Variants in KANSL1 observed in about 807,000 individuals in gnomAD.
KANSL1 encodes MLL1/MLL complex subunit KANSL1.
KANSL1 carries 22 observed loss-of-function variants against 103.6 expected under a neutral mutation model. The ratio of observed to expected loss-of-function variants is 0.21; its 90% CI spans 0.15 to 0.30. KANSL1 has a LOEUF of 0.30. Among genes scored for constraint, KANSL1 ranks in the 10% least tolerant of loss-of-function variants. The pLI, the probability that KANSL1 is intolerant of heterozygous loss-of-function variation, is 1.00. For missense variants in KANSL1, 1,337 were observed against 1,399.8 expected (o/e 0.96, Z 0.72); for synonymous variants, 600 against 527.6 (o/e 1.14, Z -1.88).
intron 3 of KANSL1, chr17:46,093,899 T>C (rs2079514837): frequency 6.6e-6 from 1 of 152,270 alleles, no homozygotes; most frequent in Non-Finnish European, 1.5e-5. Context: ...ATGGTACATC[T>C]TACCATCAGT....
At chr17:46,066,789 A>G (rs2078395273) in intron 5 of KANSL1, 57 bp from the exon 6 acceptor site, 2 of 1,269,498 alleles carry the variant, frequency 1.6e-6, no homozygotes, top group South Asian at 1.4e-5. Context: ...AAATAAATAA[A>G]CAACAAGAAA....
chr17:46,036,458 G>T (rs950357072), intron 10 of KANSL1, among the ~76,000 whole-genome samples: 3 of 152,146 alleles, frequency 2.0e-5, no homozygotes, highest in African/African-American at 7.2e-5. Flanking sequence ...AAAAGGTACA[G>T]ATTTTTCTTT....
In KANSL1 at chr17:46,171,329, G is replaced by A; in HGVS notation, c.815C>T (p.Ser272Phe). 6.2e-7 allele frequency: 1 copy of A among 1,614,172 alleles called. No individual in the cohort carries two copies. Among genetic ancestry groups the A allele is most frequent in the Non-Finnish European group, 8.5e-7 (1 of 1,180,048 alleles). The change falls in exon 2 of 15, where the codon TCC becomes TTC. Residue 272 changes from serine to phenylalanine, a missense_variant. Physicochemically the swap from Ser to Phe is radical, Grantham distance 155 (BLOSUM62 -2). This residue lies in a region of KANSL1 where 557 missense variants were observed against 476.4 expected (regional missense o/e 1.17). Transcript: ENST00000432791. The stretch of plus-strand genomic sequence containing the variant: ...AGAATCTAAAGCACTGAAAAGAATG[G>A]AAGACAGGGGAGACTTTTTACCCTC... ...KLEGKKSPLS[S>F]ILFSALDSDT... is the part of the protein sequence containing the mutation.
At chr17:46,175,683 C>T (rs997697590) in intron 1 of KANSL1, among the ~76,000 whole-genome samples, 14 of 152,092 alleles carry the variant, frequency 9.2e-5, no homozygotes, top group Non-Finnish European at 8.8e-5. Flanking sequence ...GTTTCTTGTT[C>T]CAGGGTTGTA....
chr17:46,144,115 T>G (rs989780612), intron 2 of KANSL1, among the ~76,000 whole-genome samples: 1 of 152,196 alleles, frequency 6.6e-6, no homozygotes, highest in African/African-American at 2.4e-5. Context: ...AAATTATAAT[T>G]AGGTCAAGGA....
chr17:46,043,974 T>C (rs1164435595), intron 7 of KANSL1: 3 of 148,942 alleles, frequency 2.0e-5, no homozygotes, highest in African/African-American at 7.3e-5. Flanking sequence ...GGAACCCAGT[T>C]AGATCCCCCA....
chr17:46,060,127 C>T (rs1485244711), intron 6 of KANSL1, among the ~76,000 whole-genome samples: 1 of 152,182 alleles, frequency 6.6e-6, no homozygotes, highest in Non-Finnish European at 1.5e-5. Flanking sequence ...CAATTTAATA[C>T]TTATGAAGGA....
intron 2 of KANSL1, among the ~76,000 whole-genome samples, chr17:46,157,502 T>C (rs1160989871): frequency 6.6e-6 from 1 of 152,226 alleles, no homozygotes; most frequent in Admixed American, 6.5e-5. Context: ...TATATACATA[T>C]CATGTCAATG....
chr17:46,098,110 G>A (rs1306427709), intron 2 of KANSL1, among the ~76,000 whole-genome samples: 1 of 149,792 alleles, frequency 6.7e-6, no homozygotes, highest in South Asian at 2.1e-4. Context: ...CCTAAATCCA[G>A]GAAATGATCT....
chr17:46,059,937 G>A, intron 6 of KANSL1, among the ~76,000 whole-genome samples: 1 of 152,030 alleles, frequency 6.6e-6, no homozygotes, highest in East Asian at 1.9e-4. Flanking sequence ...CATCTTGGGG[G>A]AGGGGAGGGG....
intron 2 of KANSL1, among the ~76,000 whole-genome samples, chr17:46,105,866 C>G (rs879230457): frequency 0.23 from 16,850 of 74,332 alleles, 1,635 homozygotes; most frequent in Middle Eastern, 0.35. Context: ...GCAAGACCTT[C>G]ACACACACAC....
At chr17:46,212,698 C>G (rs2048202464) in intron 1 of KANSL1, among the ~76,000 whole-genome samples, 1 of 152,112 alleles carries the variant, frequency 6.6e-6, no homozygotes, top group South Asian at 2.1e-4. Context: ...AATTTTTCCC[C>G]TTTAGGATAA....
chr17:46,171,675 A>G lies in KANSL1; in HGVS notation c.469T>C (p.Leu157=). Residue 157 remains leucine, a synonymous_variant, in exon 2 of 15, where the codon TTG becomes CTG. Coordinates refer to ENST00000432791, the MANE Select transcript of KANSL1 (RefSeq NM_015443.4). ...TALPQAPVNG[L]AKKLTKSSTH... ...GAACTTTTAGTCAATTTCTTAGCCA[A>G]CCCATTTACAGGTGCTTGTGGCAGA... 1.3e-6 allele frequency: 2 copies of G among 1,552,260 alleles called. No individual in the cohort carries two copies. Among genetic ancestry groups the G allele is most frequent in the Non-Finnish European group, 1.7e-6 (2 of 1,153,748 alleles).
At chr17:46,064,204 C>T (rs913779461) in intron 6 of KANSL1, among the ~76,000 whole-genome samples, 2 of 152,038 alleles carry the variant, frequency 1.3e-5, no homozygotes, top group African/African-American at 4.8e-5. Flanking sequence ...GCCTGACAGT[C>T]AATTCTACAA....
intron 2 of KANSL1, among the ~76,000 whole-genome samples, chr17:46,137,367 A>G (rs1190630171): frequency 6.6e-6 from 1 of 152,250 alleles, no homozygotes; most frequent in Non-Finnish European, 1.5e-5. Flanking sequence ...TTTAGAGTGC[A>G]TACCTATTTC....
upstream of KANSL1, among the ~76,000 whole-genome samples, chr17:46,224,058 C>CA (rs2148078260): frequency 6.6e-6 from 1 of 152,012 alleles, no homozygotes; most frequent in East Asian, 1.9e-4. Context: ...AACAATTAGC[C>CA]AAAATCCCAG....
At chr17:46,034,110 G>C in intron 11 of KANSL1, 51 bp downstream of exon 11, 1 of 1,603,810 alleles carries the variant, frequency 6.2e-7, no homozygotes, top group Admixed American at 1.7e-5. Flanking sequence ...GAGGGAAAAA[G>C]GGCAATAGCA....
intron 2 of KANSL1, among the ~76,000 whole-genome samples, chr17:46,151,457 G>A (rs1394552150): frequency 2.0e-5 from 3 of 152,150 alleles, no homozygotes; most frequent in Non-Finnish European, 4.4e-5. Context: ...TATTAATATA[G>A]ACATCTCTCT....
chr17:46,066,683 C>T lies in KANSL1; in HGVS notation c.1702G>A (p.Glu568Lys). The change falls in exon 6 of 15, where the codon GAG becomes AAG. Residue 568 changes from glutamate (E) to lysine (K), a missense_variant. Physicochemically the swap from Glu to Lys is moderately conservative, Grantham distance 56. Transcript: ENST00000432791. ...CGTTGCTTCTTATGTAATTGTTCCT[C>T]AGCATCAGAGCTGTCACCTGGAATG... ...DHIPGDSSDAEEQLHKKQRLN... is the reference protein window; with the variant it reads ...DHIPGDSSDAKEQLHKKQRLN... The T allele has an allele frequency of 6.2e-7, 1 of 1,614,126 alleles. No individual in the cohort carries two copies. Among genetic ancestry groups the T allele is most frequent in the Non-Finnish European group, 8.5e-7 (1 of 1,180,026 alleles).
Sources: gnomAD v4.1 joint callset for allele counts (sites outside exome capture counted in the v4.1 genomes callset) on GRCh38, gnomAD v4.1.1 for gene constraint, gnomAD v4.1.1 regional missense constraint, MANE v1.5 for transcripts, NCBI Gene and HGNC (gene_info 2026-07-23, HGNC 2026-07-21) for gene names.